DLG2: variants seen among roughly 807,000 people sequenced by gnomAD.
DLG2 encodes discs large MAGUK scaffold protein 2, also known as disks large homolog 2.
Under a neutral mutation model 132.5 loss-of-function variants are expected in DLG2, and 45 were observed. The ratio of observed to expected loss-of-function variants is 0.34; its 90% CI spans 0.27 to 0.44. The LOEUF is 0.44. Ranked by LOEUF, DLG2 falls within the 20% of genes least tolerant of loss-of-function variation. DLG2 has a pLI of 1.00. For synonymous variants in DLG2, 424 were observed against 419.6 expected (o/e 1.01, Z -0.13); for missense variants, 1,045 against 1,196.9 (o/e 0.87, Z 1.87).
intron 7 of DLG2, among the ~76,000 whole-genome samples, chr11:84,313,172 G>T (rs184900188): frequency 6.6e-6 from 1 of 150,588 alleles, no homozygotes; most frequent in African/African-American, 2.4e-5. Context: ...CTGGAGTGCA[G>T]TGTCACCACT....
chr11:83,745,254 C>T (rs868554781), intron 18 of DLG2, among the ~76,000 whole-genome samples: 1 of 152,162 alleles, frequency 6.6e-6, no homozygotes, highest in South Asian at 2.1e-4. Context: ...GTTCTTTATA[C>T]AGCAAGAAGT....
chr11:83,935,818 A>G (rs1374342926), intron 14 of DLG2, among the ~76,000 whole-genome samples: 1 of 152,252 alleles, frequency 6.6e-6, no homozygotes, highest in Non-Finnish European at 1.5e-5. Flanking sequence ...CATGTTAAGT[A>G]CAAGCAAACC....
intron 19 of DLG2, among the ~76,000 whole-genome samples, chr11:83,625,651 G>T (rs1170209481): frequency 2.0e-5 from 3 of 152,164 alleles, no homozygotes; most frequent in Non-Finnish European, 4.4e-5. Context: ...TGAGAATGAG[G>T]TTCACCCTGG....
rs79476239 is a variant in DLG2 at position 84,721,669 on chromosome 11, G to C, written c.358-186938C>G. Reference sequence around the variant, plus strand: ...AAGTGGGTAAAACTAGCACTCTTTGGGTGCCACCTGGGTGCCTGGCACTAT... The same window carrying C: ...AAGTGGGTAAAACTAGCACTCTTTGCGTGCCACCTGGGTGCCTGGCACTAT... On this transcript the variant is annotated intron_variant, in intron 6 of 27. Transcript: ENST00000376104. Among the ~76,000 whole-genome samples the C allele has an allele frequency of 6.0e-3, 918 of 152,260 alleles. 4 individuals are homozygous for C. The highest frequency in any genetic ancestry group is 0.01 in the Non-Finnish European group (687 of 68,014).
chr11:84,990,329 AG>A (rs1241042380), intron 6 of DLG2, among the ~76,000 whole-genome samples: 4 of 152,350 alleles, frequency 2.6e-5, no homozygotes, highest in African/African-American at 9.6e-5. Context: ...ATTAAGAGGT[AG>A]GGCCTTTAGA....
intron 3 of DLG2, among the ~76,000 whole-genome samples, chr11:85,387,037 A>T (rs893709464): frequency 6.6e-6 from 1 of 151,750 alleles, no homozygotes; most frequent in Non-Finnish European, 1.5e-5. Context: ...ACAGGCACAC[A>T]CCACCACACT....
At chr11:84,116,791 A>C (rs994688237) in intron 9 of DLG2, among the ~76,000 whole-genome samples, 10 of 152,188 alleles carry the variant, frequency 6.6e-5, no homozygotes, top group African/African-American at 2.4e-4. Flanking sequence ...AATGACATTA[A>C]ATGTCAGTAT....
chr11:84,538,787 G>A (rs2099361436), intron 6 of DLG2, among the ~76,000 whole-genome samples: 2 of 152,014 alleles, frequency 1.3e-5, no homozygotes, highest in South Asian at 2.1e-4. Flanking sequence ...AGAGACCGTG[G>A]ACCTAAATAA....
At chr11:84,089,303 C>A (rs926287913) in intron 10 of DLG2, among the ~76,000 whole-genome samples, 1 of 152,162 alleles carries the variant, frequency 6.6e-6, no homozygotes, top group Non-Finnish European at 1.5e-5. Context: ...AACAAAAAAA[C>A]CAAGCTGAGC....
chr11:85,521,029 T>G (rs1383734563), intron 3 of DLG2, among the ~76,000 whole-genome samples: 1 of 152,152 alleles, frequency 6.6e-6, no homozygotes, highest in Non-Finnish European at 1.5e-5. Context: ...CACATCAAGT[T>G]AAAAAGTTTC....
intron 6 of DLG2, among the ~76,000 whole-genome samples, chr11:84,860,973 CA>C (rs988611262): frequency 4.6e-5 from 7 of 151,764 alleles, no homozygotes; most frequent in Non-Finnish European, 1.0e-4. Flanking sequence ...ATTTACTGAA[CA>C]TCTACTATGT....
chr11:84,066,784 A>G (rs1461452221), intron 10 of DLG2, among the ~76,000 whole-genome samples: 1 of 152,090 alleles, frequency 6.6e-6, no homozygotes, highest in Non-Finnish European at 1.5e-5. Flanking sequence ...AAGTAAAAAA[A>G]GGTAGATGTT....
At chr11:84,622,191 G>A (rs1462223241) in intron 6 of DLG2, among the ~76,000 whole-genome samples, 1 of 152,156 alleles carries the variant, frequency 6.6e-6, no homozygotes, top group Non-Finnish European at 1.5e-5. Context: ...AATAGAAAGT[G>A]TCTTCCTTTG....
intron 6 of DLG2, among the ~76,000 whole-genome samples, chr11:84,854,100 A>T (rs2082481595): frequency 6.6e-6 from 1 of 152,006 alleles, no homozygotes; most frequent in Non-Finnish European, 1.5e-5. Flanking sequence ...TGACAGGATG[A>T]GGTGAATTGG....
chr11:84,331,441 CAAAAA>C (rs71465960), intron 7 of DLG2, among the ~76,000 whole-genome samples: 1 of 119,782 alleles, frequency 8.3e-6, no homozygotes, highest in Non-Finnish European at 1.9e-5. Context: ...TTACTTATCT[CAAAAA>C]AAAAAAAAAA....
chr11:84,270,801 T>C (rs2097711104), intron 7 of DLG2, among the ~76,000 whole-genome samples: 1 of 152,232 alleles, frequency 6.6e-6, no homozygotes, highest in South Asian at 2.1e-4. Flanking sequence ...GACTATACTT[T>C]ATAGACATTG....
chr11:84,045,654 G>A (rs2096226595), intron 11 of DLG2, among the ~76,000 whole-genome samples: 1 of 151,568 alleles, frequency 6.6e-6, no homozygotes, highest in Non-Finnish European at 1.5e-5. Context: ...AGCACACAAA[G>A]GGATCTGTAT....
intron 6 of DLG2, among the ~76,000 whole-genome samples, chr11:84,549,679 T>C (rs958304527): frequency 2.6e-5 from 4 of 152,156 alleles, no homozygotes; most frequent in East Asian, 1.9e-4. Context: ...TGAGATAATA[T>C]GCCCAAACTC....
chr11:83,663,917 T>C (rs1486269965), intron 18 of DLG2, among the ~76,000 whole-genome samples: 3 of 152,174 alleles, frequency 2.0e-5, no homozygotes, highest in East Asian at 1.9e-4. Flanking sequence ...TCTGCCTTCA[T>C]TGTAATGTAT....
Sources: gnomAD v4.1 joint callset for allele counts (sites outside exome capture counted in the v4.1 genomes callset) on GRCh38, gnomAD v4.1.1 for gene constraint, MANE v1.5 for transcripts, NCBI Gene and HGNC (gene_info 2026-07-23, HGNC 2026-07-21) for gene names.